The following UBE2E2 variants were observed in gnomAD, a reference collection of about 807,000 sequenced individuals.
UBE2E2 encodes ubiquitin-conjugating enzyme E2 E2.
A neutral mutation model predicts 24.7 loss-of-function variants in UBE2E2; 6 were observed. The ratio of observed to expected loss-of-function variants is 0.24; its 90% confidence interval spans 0.13 to 0.48. The LOEUF is 0.48. Ranked by LOEUF, UBE2E2 falls within the 20% of genes least tolerant of loss-of-function variation. The pLI is 0.99. For synonymous variants in UBE2E2, 104 were observed against 83.6 expected (o/e 1.24, Z -1.33); for missense variants, 169 against 245.0 (o/e 0.69, Z 2.07).
chr3:23,487,180 C>A (rs976734145), intron 3 of UBE2E2, among the ~76,000 whole-genome samples: 1 of 152,180 alleles, frequency 6.6e-6, no homozygotes, highest in Non-Finnish European at 1.5e-5. Context: ...TGTGTGCACA[C>A]CCAGCTCGGT....
chr3:23,570,368 C>A (rs1160390863), intron 5 of UBE2E2, among the ~76,000 whole-genome samples: 2 of 152,108 alleles, frequency 1.3e-5, no homozygotes, highest in Non-Finnish European at 2.9e-5. Flanking sequence ...ATGTTGAAGA[C>A]CTAGCCTAGA....
At chr3:23,414,216 A>G (rs1048035263) in intron 3 of UBE2E2, among the ~76,000 whole-genome samples, 2 of 152,224 alleles carry the variant, frequency 1.3e-5, no homozygotes, top group African/African-American at 4.8e-5. Flanking sequence ...AACCTTACAG[A>G]GAACCATATT....
chr3:23,574,500 A>G (rs1160147752), intron 5 of UBE2E2, among the ~76,000 whole-genome samples: 1 of 152,140 alleles, frequency 6.6e-6, no homozygotes, highest in Non-Finnish European at 1.5e-5. Flanking sequence ...TACCCCATCA[A>G]TATATACACC....
intron 2 of UBE2E2, among the ~76,000 whole-genome samples, chr3:23,211,226 A>G (rs1364225688): frequency 6.6e-6 from 1 of 152,158 alleles, no homozygotes; most frequent in Non-Finnish European, 1.5e-5. Context: ...AGTTAGAGGT[A>G]GTTTCAAAAT....
intron 5 of UBE2E2, among the ~76,000 whole-genome samples, chr3:23,552,254 A>AGGCTAGG (rs1463556552): frequency 1.3e-5 from 2 of 152,152 alleles, no homozygotes; most frequent in African/African-American, 2.4e-5. Flanking sequence ...CTCGGAGGCC[A>AGGCTAGG]AGGTAGAAAG....
intron 5 of UBE2E2, among the ~76,000 whole-genome samples, chr3:23,576,921 GT>G (rs35902301): frequency 4.4e-4 from 65 of 147,108 alleles, no homozygotes; most frequent in Admixed American, 1.4e-3. Context: ...TGTTGTTATT[GT>G]TTTTTTTTTT....
chr3:23,384,631 C>T (rs1461719251), intron 3 of UBE2E2, among the ~76,000 whole-genome samples: 1 of 152,186 alleles, frequency 6.6e-6, no homozygotes, highest in East Asian at 1.9e-4. Context: ...CAACCTCCAC[C>T]TCTGGGGTTC....
intron 3 of UBE2E2, among the ~76,000 whole-genome samples, chr3:23,360,802 C>T (rs144397293): frequency 2.0e-5 from 3 of 151,848 alleles, no homozygotes; most frequent in African/African-American, 4.8e-5. Context: ...ATTTTGAGCT[C>T]CTCAAGAAAT....
At chr3:23,238,169 G>A (rs1488600367) in intron 3 of UBE2E2, among the ~76,000 whole-genome samples, 3 of 152,070 alleles carry the variant, frequency 2.0e-5, no homozygotes, top group Non-Finnish European at 4.4e-5. Context: ...ATATTGGAAA[G>A]CATATAGAAG....
At chr3:23,413,675 C>G (rs1323492541) in intron 3 of UBE2E2, among the ~76,000 whole-genome samples, 4 of 152,116 alleles carry the variant, frequency 2.6e-5, no homozygotes, top group African/African-American at 4.8e-5. Context: ...TCTCTGTGTT[C>G]CCACAGACCC....
chr3:23,298,771 A>G (rs1190379533), intron 3 of UBE2E2, among the ~76,000 whole-genome samples: 1 of 151,876 alleles, frequency 6.6e-6, no homozygotes, highest in East Asian at 1.9e-4. Context: ...TGTCTCTGCC[A>G]GGCTTTGGTA....
At chr3:23,430,242 G>A (rs183288220) in intron 3 of UBE2E2, among the ~76,000 whole-genome samples, 21 of 152,090 alleles carry the variant, frequency 1.4e-4, no homozygotes, top group Admixed American at 6.5e-4. Context: ...TTCTATAATC[G>A]ACATAAATGG....
chr3:23,207,904 ATTGTGCAAGATT>A (rs1696193685), intron 1 of UBE2E2, among the ~76,000 whole-genome samples: 1 of 152,178 alleles, frequency 6.6e-6, no homozygotes, highest in Non-Finnish European at 1.5e-5. Context: ...TATTATTAGA[ATTGTGCAAGATT>A]ATAATTATCT....
At chr3:23,517,860 C>T (rs1218620444) in intron 4 of UBE2E2, among the ~76,000 whole-genome samples, 1 of 151,834 alleles carries the variant, frequency 6.6e-6, no homozygotes, top group African/African-American at 2.4e-5. Context: ...ATAAATGTTG[C>T]AAATTATATG....
chr3:23,245,946 A>G (rs1297882858), intron 3 of UBE2E2, among the ~76,000 whole-genome samples: 1 of 152,242 alleles, frequency 6.6e-6, no homozygotes, highest in African/African-American at 2.4e-5. Flanking sequence ...GGATAAAATG[A>G]TAAGTAAAAT....
At chr3:23,585,418 A>G (rs1226502786) in intron 5 of UBE2E2, among the ~76,000 whole-genome samples, 1 of 151,886 alleles carries the variant, frequency 6.6e-6, no homozygotes, top group Non-Finnish European at 1.5e-5. Flanking sequence ...CAGATGAGGA[A>G]ATGTGATTTA....
chr3:23,235,316 A>G (rs1697076112), intron 3 of UBE2E2, among the ~76,000 whole-genome samples: 1 of 152,170 alleles, frequency 6.6e-6, no homozygotes, highest in South Asian at 2.1e-4. Flanking sequence ...AATTGAGAGC[A>G]AAAAGTTGTT....
chr3:23,205,860 A>T (rs951894443), intron 1 of UBE2E2, among the ~76,000 whole-genome samples: 1 of 152,188 alleles, frequency 6.6e-6, no homozygotes, highest in African/African-American at 2.4e-5. Context: ...ATTATGGCTC[A>T]GATCACATCA....
chr3:23,542,957 G>A (rs1178656482), intron 5 of UBE2E2, among the ~76,000 whole-genome samples: 3 of 152,154 alleles, frequency 2.0e-5, no homozygotes, highest in Non-Finnish European at 4.4e-5. Context: ...ATTAGCTGTT[G>A]ATACAAATTT....
Sources: allele counts gnomAD v4.1 joint callset (sites outside exome capture counted in the v4.1 genomes callset), GRCh38; gene constraint gnomAD v4.1.1; transcripts MANE v1.5; gene names NCBI Gene and HGNC (gene_info 2026-07-23, HGNC 2026-07-21).